MPRIP: variants seen among roughly 807,000 people sequenced by gnomAD.
MPRIP encodes the protein myosin phosphatase Rho-interacting protein.
MPRIP carries 59 observed loss-of-function variants against 234.9 expected under a neutral mutation model. That is an observed-to-expected ratio of 0.25 (90% CI 0.20 to 0.31). The LOEUF is 0.31. Among genes scored for constraint, MPRIP ranks in the 10% least tolerant of loss-of-function variants. MPRIP has a pLI of 1.00. For synonymous variants in MPRIP, 1,144 were observed against 1,263.9 expected (o/e 0.91, Z 2.01); for missense variants, 2,436 against 3,071.0 (o/e 0.79, Z 4.89).
At chr17:17,069,420 A>G (rs903313209) in intron 1 of MPRIP, among the ~76,000 whole-genome samples, 1 of 150,166 alleles carries the variant, frequency 6.7e-6, no homozygotes, top group Non-Finnish European at 1.5e-5. Context: ...TACATTTAAA[A>G]TATTTACGGA....
At chr17:17,052,152 G>A (rs909048691) in intron 1 of MPRIP, among the ~76,000 whole-genome samples, 1 of 152,200 alleles carries the variant, frequency 6.6e-6, no homozygotes, top group African/African-American at 2.4e-5. Flanking sequence ...CAGCAATGGG[G>A]CCGTGATACA....
chr17:17,147,478 A>G, intron 11 of MPRIP, 91 bp downstream of exon 11: 1 of 1,225,174 alleles, frequency 8.2e-7, no homozygotes, highest in South Asian at 1.2e-5. Context: ...CCCTGGGCTA[A>G]TGTCCCCACT....
At chr17:17,057,258 C>T (rs887899653) in intron 1 of MPRIP, among the ~76,000 whole-genome samples, 3 of 152,216 alleles carry the variant, frequency 2.0e-5, no homozygotes, top group Non-Finnish European at 4.4e-5. Flanking sequence ...GTTCCTGGAC[C>T]ATCCCTCAAG....
chr17:17,179,314 G>GCA (rs1337866100), intron 22 of MPRIP, among the ~76,000 whole-genome samples: 1 of 152,146 alleles, frequency 6.6e-6, no homozygotes, highest in Non-Finnish European at 1.5e-5. Context: ...GGACATGGTG[G>GCA]CACGCACCTG....
rs1276751233 is a variant in MPRIP, at chr17:17,164,418, C to G, written c.2827C>G (p.His943Asp). 1 of 1,277,664 alleles carries G rather than the reference C, an allele frequency of 7.8e-7. No homozygotes were observed. The highest frequency in any genetic ancestry group is 1.5e-5 in the African/African-American group (1 of 65,404). 79.1% of individuals were successfully genotyped at this position (1,277,664 alleles called of 1,614,324 possible). Residue 943 changes from histidine (H) to aspartate (D), a missense_variant, in exon 16 of 24, where the codon CAC (histidine) becomes GAC (aspartate). This residue lies in a region of MPRIP where 1,998 missense variants were observed against 2,520.3 expected (regional missense o/e 0.79). Coordinates refer to ENST00000651222, the MANE Select transcript of MPRIP (RefSeq NM_001364716.4). ...RVREQLEERQHSEAALSSQLR... is the reference protein window; with the variant it reads ...RVREQLEERQDSEAALSSQLR... ...CCGCGAGCAGCTGGAGGAGCGGCAA[C>G]ACAGCGAGGCGGCGCTGAGCAGCCA...
At position 17,167,570 on chromosome 17, in the gene MPRIP, G is replaced by T; in HGVS notation, c.5979G>T (p.Glu1993Asp). The T allele has an allele frequency of 1.5e-6, 2 of 1,304,264 alleles. No homozygotes were observed. The highest frequency in any genetic ancestry group is 2.5e-5 in the South Asian group (2 of 81,030). 80.8% of individuals were successfully genotyped at this position (1,304,264 alleles called of 1,614,324 possible). A position where few individuals can be genotyped will look rare whatever the true frequency, so the allele number is the denominator to read the frequency against. Residue 1993 changes from glutamate (E) to aspartate (D), a missense_variant, in exon 16 of 24, where the codon GAG (glutamate) becomes GAT (aspartate). Physicochemically the swap from Glu to Asp is conservative, Grantham distance 45. Transcript: ENST00000651222. The surrounding 1 kb of genome is among the most constrained non-coding windows in gnomAD (Gnocchi z 5.9). The part of the protein sequence containing the change: ...DRQDMERHHG[E>D]QIQTLEDRFQ... Reference sequence around the variant, plus strand: ...AGGACATGGAGAGGCATCATGGTGAGCAGATACAGACCCTGGAGGACAGGT... The same window carrying T: ...AGGACATGGAGAGGCATCATGGTGATCAGATACAGACCCTGGAGGACAGGT...
intron 5 of MPRIP, among the ~76,000 whole-genome samples, chr17:17,132,529 C>A (rs562836285): frequency 6.6e-6 from 1 of 152,202 alleles, no homozygotes; most frequent in Middle Eastern, 3.2e-3. Context: ...ATGGGGGTCC[C>A]TTGGGCATCA....
chr17:17,100,277 A>C (rs1275086116), intron 3 of MPRIP, among the ~76,000 whole-genome samples: 1 of 152,198 alleles, frequency 6.6e-6, no homozygotes, highest in Non-Finnish European at 1.5e-5. Context: ...TCTGGCTTGG[A>C]GAGCATGGCA....
rs751450776 is a variant in MPRIP at position 17,136,407 on chromosome 17, T to C, written c.693T>C (p.Pro231=). ...AGAGTCCCAGCCAGAGCCAGCCTCC[T>C]GCTGCCAGCTCCCTGCGGGAACCTG... ...PAQSPSQSQP[P]AASSLREPGL... Residue 231 remains proline (P), a synonymous_variant, in exon 6 of 24, where the codon CCT becomes CCC. Coordinates refer to ENST00000651222, the MANE Select transcript of MPRIP (RefSeq NM_001364716.4). The C allele has an allele frequency of 1.5e-5, 24 of 1,609,916 alleles. No homozygotes were observed. In the South Asian group the frequency reaches 2.7e-4, roughly 18 times the overall value.
intron 1 of MPRIP, among the ~76,000 whole-genome samples, chr17:17,045,443 C>G (rs1193890525): frequency 6.6e-6 from 1 of 152,174 alleles, no homozygotes; most frequent in Non-Finnish European, 1.5e-5. Context: ...ACCACTTCCT[C>G]TTACCGGTGA....
intron 3 of MPRIP, among the ~76,000 whole-genome samples, chr17:17,085,187 C>T (rs557830403): frequency 7.9e-5 from 12 of 152,242 alleles, no homozygotes; most frequent in African/African-American, 2.4e-4. Context: ...GTGGGGTCAC[C>T]CAGGCCCTCT....
In MPRIP at chr17:17,078,003, CG is replaced by C; in HGVS notation, c.202-7del. ...CCTCCTAACCACCCACCTTGTGCTC[CG>C]TTGCAGAAATGGCAGCGACGGTTCT... On this transcript the variant is annotated splice_polypyrimidine_tract_variant and splice_region_variant and intron_variant, in intron 2 of 23. Transcript: ENST00000651222. The surrounding 1 kb of genome is among the most constrained non-coding windows in gnomAD (Gnocchi z 4.3). 2.5e-6 allele frequency: 4 copies of C among 1,614,104 alleles called. No homozygotes were observed. The highest frequency in any genetic ancestry group is 3.4e-6 in the Non-Finnish European group (4 of 1,179,992).
chr17:17,165,044 G>A lies in MPRIP; in HGVS notation c.3453G>A (p.Arg1151=). 2 of 1,302,214 alleles carry A rather than the reference G, an allele frequency of 1.5e-6. No individual in the cohort carries two copies. The highest frequency in any genetic ancestry group is 2.1e-4 in the Middle Eastern group (1 of 4,698). 80.7% of individuals were successfully genotyped at this position (1,302,214 alleles called of 1,614,324 possible). A position where few individuals can be genotyped will look rare whatever the true frequency, so the allele number is the denominator to read the frequency against. The change falls in exon 16 of 24, where the codon AGG becomes AGA. Residue 1151 remains arginine (R), a synonymous_variant. Coordinates refer to ENST00000651222, the MANE Select transcript of MPRIP (RefSeq NM_001364716.4). The stretch of plus-strand genomic sequence containing the variant: ...AGAGCCTGGAGCACTCCTACCAGAG[G>A]GTCTCCAGCCAGCTGCAGAGCATGC... The part of the protein sequence containing the change: ...DNQSLEHSYQ[R]VSSQLQSMHT...
In MPRIP at chr17:17,166,128, G is replaced by C. The variant is rs776513157; in HGVS notation, c.4537G>C (p.Val1513Leu). ...CCTGGCCAGTGTGGAGAGTGCACTC[G>C]TCAGCGCCATCCAAGCCCTGCAGCA... ...ASLASVESALVSAIQALQHWP... is the reference protein window; with the variant it reads ...ASLASVESALLSAIQALQHWP... The change falls in exon 16 of 24, where the codon GTC (valine) becomes CTC (leucine). Residue 1513 changes from valine to leucine, a missense_variant. Around this residue, in one of 4 missense-constraint regions of MPRIP, gnomAD observed 1,998 missense variants for 2,520.3 expected, o/e 0.79. Coordinates refer to ENST00000651222, the MANE Select transcript of MPRIP (RefSeq NM_001364716.4). The surrounding 1 kb of genome is among the most constrained non-coding windows in gnomAD (Gnocchi z 4.4). The C allele has an allele frequency of 3.1e-6, 4 of 1,301,412 alleles. No homozygotes were observed. Among genetic ancestry groups the C allele is most frequent in the Admixed American group, 2.3e-5 (1 of 43,340 alleles). 80.6% of individuals were successfully genotyped at this position (1,301,412 alleles called of 1,614,324 possible).
At chr17:17,104,490 G>A (rs1019640662) in intron 3 of MPRIP, among the ~76,000 whole-genome samples, 2 of 152,136 alleles carry the variant, frequency 1.3e-5, no homozygotes, top group African/African-American at 2.4e-5. Flanking sequence ...CTGGGTGGCC[G>A]TGTCTTTCAT....
At chr17:17,181,889 G>C (rs1370173698) in intron 23 of MPRIP, 1 of 129,780 alleles carries the variant, frequency 7.7e-6, no homozygotes, top group Non-Finnish European at 1.5e-5. Flanking sequence ...GGAGCAGACT[G>C]TCTGGGCCCC....
chr17:17,082,633 T>C (rs1267061272), intron 3 of MPRIP, among the ~76,000 whole-genome samples: 1 of 152,176 alleles, frequency 6.6e-6, no homozygotes, highest in Non-Finnish European at 1.5e-5. Context: ...ACACTGGAAA[T>C]TCACCATCTT....
In MPRIP at chr17:17,175,352, C is replaced by T. The variant is rs1411119432; in HGVS notation, c.6810C>T (p.Asp2270=). The change falls in exon 20 of 24, where the codon GAC becomes GAT. Residue 2270 remains aspartate, a synonymous_variant. Transcript: ENST00000651222. ...ITRLRTLLTG[D]GGGEATGSPL... is the part of the protein sequence containing the mutation. The stretch of plus-strand genomic sequence containing the variant: ...GGTTGCGGACGCTGCTGACTGGGGA[C>T]GGCGGTGGGGAGGCCACTGGGTCAC... The T allele has an allele frequency of 3.7e-6, 6 of 1,613,432 alleles. No homozygotes were observed. Among genetic ancestry groups the T allele is most frequent in the East Asian group, 2.2e-5 (1 of 44,882 alleles).
In MPRIP at chr17:17,180,180, C is replaced by G; in HGVS notation, c.7206+92C>G. ...GAAGTATGAGTGCTCCCATGGGCCA[C>G]AGCTGCCAAAGCCCCAGGGCCCAGC... On this transcript the variant is annotated intron_variant, in intron 23 of 23. Transcript: ENST00000651222. The G allele has an allele frequency of 2.8e-6, 3 of 1,085,446 alleles. 1 individual carries two copies. The South Asian group carries it at 4.8e-5, about 17-fold the overall frequency. 67.2% of individuals were successfully genotyped at this position (1,085,446 alleles called of 1,614,324 possible). A position where few individuals can be genotyped will look rare whatever the true frequency, so the allele number is the denominator to read the frequency against.
Sources: gnomAD v4.1 joint callset for allele counts (sites outside exome capture counted in the v4.1 genomes callset) on GRCh38, gnomAD v4.1.1 for gene constraint, gnomAD v4.1.1 regional missense constraint, Gnocchi (gnomAD v3.1) non-coding constraint, MANE v1.5 for transcripts, NCBI Gene and HGNC (gene_info 2026-07-23, HGNC 2026-07-21) for gene names.